PCDH15: variants seen among roughly 807,000 people sequenced by gnomAD.
PCDH15 encodes protocadherin related 15.
PCDH15 carries 129 observed loss-of-function variants against 178.5 expected under a neutral mutation model. That is an observed-to-expected ratio of 0.72 (90% CI 0.63 to 0.84). The LOEUF (loss-of-function observed/expected upper bound fraction) is 0.84. Ranked by LOEUF, PCDH15 falls within the 40% of genes least tolerant of loss-of-function variation. PCDH15 has a pLI of 0.00. For missense variants in PCDH15, 2,230 were observed against 2,099.9 expected (o/e 1.06, Z -1.21); for synonymous variants, 800 against 732.0 (o/e 1.09, Z -1.50).
rs368348074 is a variant in PCDH15, at chr10:55,438,427, T to G, written c.-156+189198A>C. ...ACAACAGCCAGCTCAGTATCTACAT[T>G]GTTTTATAGCTTTATTAAATAAGAA... On this transcript the variant is annotated intron_variant, in intron 2 of 5. Transcript: ENST00000613346. Among the ~76,000 whole-genome samples, 4 of 152,188 alleles carry G rather than the reference T, an allele frequency of 2.6e-5. No homozygotes were observed. In the South Asian group the frequency reaches 8.3e-4, roughly 32 times the overall value.
chr10:53,908,421 T>A (rs1221812719), intron 25 of PCDH15, among the ~76,000 whole-genome samples: 1 of 152,248 alleles, frequency 6.6e-6, no homozygotes, highest in Non-Finnish European at 1.5e-5. Context: ...CACATGCCTT[T>A]AATGTGGAAC....
At chr10:53,892,259 T>G (rs2081622074) in intron 26 of PCDH15, among the ~76,000 whole-genome samples, 1 of 151,898 alleles carries the variant, frequency 6.6e-6, no homozygotes, top group African/African-American at 2.4e-5. Context: ...ACTCCTGACC[T>G]CGTGATCCAC....
intron 11 of PCDH15, chr10:54,189,285 G>T: frequency 8.4e-7 from 1 of 1,193,518 alleles, no homozygotes; most frequent in South Asian, 1.4e-5. Flanking sequence ...ACGTGTTTTA[G>T]TGAAGAAAAA....
At chr10:54,782,639 AC>A (rs372170136) in intron 1 of PCDH15, among the ~76,000 whole-genome samples, 68 of 151,628 alleles carry the variant, frequency 4.5e-4, no homozygotes, top group African/African-American at 1.3e-3. Context: ...CCAAAAGAGA[AC>A]CCCCATCTCC....
rs1013568935 is a variant in PCDH15, at chr10:55,431,616, T to G, written c.-156+196009A>C. On this transcript the variant is annotated intron_variant, in intron 2 of 5. Coordinates refer to the PCDH15 transcript ENST00000613346. ...TCAAAATAGCAATCTATGTGGAATG[T>G]GCATACTCCAAGCAAATCTCTTAAG... is the stretch of plus-strand genomic sequence containing the variant. Among the ~76,000 whole-genome samples the G allele has an allele frequency of 3.3e-5, 5 of 152,224 alleles. No homozygotes were observed. The East Asian group carries it at 9.6e-4, about 29-fold the overall frequency.
intron 3 of PCDH15, among the ~76,000 whole-genome samples, chr10:54,393,831 T>C (rs1199778534): frequency 1.3e-5 from 2 of 152,192 alleles, no homozygotes. Flanking sequence ...TTTCTCATTA[T>C]ATACAACCCT....
intron 2 of PCDH15, among the ~76,000 whole-genome samples, chr10:54,638,866 C>T (rs987649906): frequency 4.6e-5 from 7 of 151,544 alleles, no homozygotes; most frequent in African/African-American, 1.2e-4. Context: ...TAAAAAATAA[C>T]GAAATTATGT....
chr10:55,582,847 T>G (rs1338776506), intron 2 of PCDH15, among the ~76,000 whole-genome samples: 4 of 151,776 alleles, frequency 2.6e-5, no homozygotes, highest in African/African-American at 4.8e-5. Context: ...ATTTCACTAA[T>G]GATCCAAAAT....
intron 25 of PCDH15, among the ~76,000 whole-genome samples, chr10:53,908,822 C>A (rs1451067529): frequency 6.6e-6 from 1 of 152,110 alleles, no homozygotes; most frequent in Non-Finnish European, 1.5e-5. Context: ...TTCAAACAGT[C>A]CTATTGCAGA....
intron 1 of PCDH15, among the ~76,000 whole-genome samples, chr10:54,765,515 C>A (rs1948402271): frequency 6.6e-6 from 1 of 152,070 alleles, no homozygotes; most frequent in Non-Finnish European, 1.5e-5. Context: ...TACTCTCACC[C>A]TGGTACCCAG....
intron 14 of PCDH15, among the ~76,000 whole-genome samples, chr10:54,144,714 C>T (rs2043741158): frequency 6.6e-6 from 1 of 152,202 alleles, no homozygotes; most frequent in South Asian, 2.1e-4. Flanking sequence ...TAGACCGAAA[C>T]CTTGGTGTTT....
At chr10:54,797,114 G>A (rs776852746) in intron 1 of PCDH15, among the ~76,000 whole-genome samples, 7 of 151,900 alleles carry the variant, frequency 4.6e-5, no homozygotes, top group Admixed American at 6.6e-5. Flanking sequence ...TAATTCTATC[G>A]GAAGTTTGCC....
chr10:54,764,910 A>G (rs1003390440), intron 1 of PCDH15, among the ~76,000 whole-genome samples: 2 of 152,186 alleles, frequency 1.3e-5, no homozygotes, highest in Admixed American at 6.5e-5. Context: ...TTCATTAGAA[A>G]AAAAATTTAG....
At chr10:55,493,471 G>A (rs1840467074) in intron 2 of PCDH15, among the ~76,000 whole-genome samples, 1 of 151,520 alleles carries the variant, frequency 6.6e-6, no homozygotes, top group African/African-American at 2.4e-5. Context: ...GAGCCCAGGA[G>A]GTCAAGGCTG....
At chr10:54,740,751 A>G (rs1480776576) in intron 1 of PCDH15, among the ~76,000 whole-genome samples, 1 of 152,038 alleles carries the variant, frequency 6.6e-6, no homozygotes, top group East Asian at 1.9e-4. Context: ...CATTATGTTA[A>G]TTGAGCTAAG....
chr10:53,910,595 G>A (rs780620894), intron 25 of PCDH15, among the ~76,000 whole-genome samples: 2 of 152,150 alleles, frequency 1.3e-5, no homozygotes, highest in Non-Finnish European at 2.9e-5. Context: ...AAAAACCAGA[G>A]CACCTCTTCT....
In PCDH15 at chr10:54,236,811, T is replaced by G. The variant is rs1176773315; in HGVS notation, c.985+12A>C. ...GAATAACTGATAGTGTAAAATGTTA[T>G]CAGATACAAACCAACAAGGATGGAA... On this transcript the variant is annotated intron_variant, in intron 9 of 37. Transcript: ENST00000644397. 1 of 1,587,270 alleles carries G rather than the reference T, an allele frequency of 6.3e-7. No individual in the cohort carries two copies. Among genetic ancestry groups the G allele is most frequent in the Admixed American group, 1.7e-5 (1 of 59,958 alleles).
chr10:55,470,068 T>C (rs1839922101), intron 2 of PCDH15, among the ~76,000 whole-genome samples: 1 of 152,100 alleles, frequency 6.6e-6, no homozygotes, highest in Non-Finnish European at 1.5e-5. Flanking sequence ...AGTTAAGTAT[T>C]TGGTAGATGC....
At chr10:55,291,873 T>C (rs1843015787) in intron 1 of PCDH15, among the ~76,000 whole-genome samples, 1 of 152,154 alleles carries the variant, frequency 6.6e-6, no homozygotes, top group African/African-American at 2.4e-5. Context: ...AGAGAGAGTT[T>C]GTGCAGGGAA....
Sources: allele counts gnomAD v4.1 joint callset (sites outside exome capture counted in the v4.1 genomes callset), GRCh38; gene constraint gnomAD v4.1.1; transcripts MANE v1.5; gene names NCBI Gene and HGNC (gene_info 2026-07-23, HGNC 2026-07-21).